Variants in LTF observed in about 807,000 individuals in gnomAD.
LTF encodes the protein epididymis luminal protein 110.
A neutral mutation model predicts 87.2 loss-of-function variants in LTF; 91 were observed. The ratio of observed to expected loss-of-function variants is 1.04; its 90% CI spans 0.88 to 1.24. LTF has a LOEUF of 1.24. Among genes scored for constraint, LTF ranks in the 50% most tolerant of loss-of-function variants. LTF has a pLI of 0.00. For missense variants in LTF, 901 were observed against 904.3 expected (o/e 1.00, Z 0.05); for synonymous variants, 378 against 356.1 (o/e 1.06, Z -0.69).
chr3:46,465,375 G>A (rs925601097), upstream of LTF, among the ~76,000 whole-genome samples: 7 of 152,262 alleles, frequency 4.6e-5, no homozygotes, highest in African/African-American at 1.4e-4. Context: ...AAGATGACCC[G>A]ACCACCCCCA....
At chr3:46,451,412 T>C (rs993782982) in intron 6 of LTF, among the ~76,000 whole-genome samples, 6 of 152,256 alleles carry the variant, frequency 3.9e-5, no homozygotes, top group South Asian at 2.1e-4. Context: ...TTTACCAGTG[T>C]ATTCCATTAA....
At chr3:46,465,098 G>T, upstream of LTF, 1 of 580,160 alleles carries the variant, frequency 1.7e-6, no homozygotes, top group Non-Finnish European at 3.0e-6. Context: ...CACCTCACCT[G>T]TCCTGGTTCT....
chr3:46,476,290 T>C (rs1358197610), intron 1 of LTF, among the ~76,000 whole-genome samples: 1 of 152,258 alleles, frequency 6.6e-6, no homozygotes, highest in Non-Finnish European at 1.5e-5. Context: ...TCCCCATTAA[T>C]ATGATATCTA....
chr3:46,467,644 CTTTT>C (rs5848801), upstream of LTF, among the ~76,000 whole-genome samples: 20 of 123,032 alleles, frequency 1.6e-4, no homozygotes, highest in East Asian at 2.3e-4. Context: ...CTTTTCTTTT[CTTTT>C]TTTTTTTTTT....
chr3:46,475,515 AACACACACAC>A (rs59984149), intron 1 of LTF, among the ~76,000 whole-genome samples: 12,432 of 130,996 alleles, frequency 0.095, 716 homozygotes, highest in Admixed American at 0.19. Context: ...TCTCCCCCTA[AACACACACAC>A]ACACACACAC....
At chr3:46,454,059 G>A (rs1702864716) in intron 6 of LTF, 1 of 527,666 alleles carries the variant, frequency 1.9e-6, no homozygotes, top group Non-Finnish European at 3.4e-6. Context: ...TTGGAGGACT[G>A]GAGGACGCAT....
Position 46,455,395 on chromosome 3 carries a change from C to T in LTF, c.547G>A (p.Gly183Arg). The change falls in exon 5 of 17, where the codon GGA becomes AGA. Residue 183 changes from glycine (G) to arginine (R), a missense_variant. Gly to Arg is a moderately radical substitution (Grantham distance 125). Transcript: ENST00000231751. ...AGGCGACACAGGTTGGGGAACTGTC[C>T]TTTATCTGCACCGGGAACACAGCTG... ...SASCVPGADK[G>R]QFPNLCRLCA... 6.2e-7 allele frequency: 1 copy of T among 1,614,238 alleles called. No homozygotes were observed. The highest frequency in any genetic ancestry group is 1.7e-5 in the Admixed American group (1 of 60,028).
At chr3:46,454,782 A>T (rs1407327673) in intron 5 of LTF, among the ~76,000 whole-genome samples, 2 of 151,914 alleles carry the variant, frequency 1.3e-5, no homozygotes, top group African/African-American at 4.8e-5. Context: ...GAAAAGGGGG[A>T]GCTCAGCCTC....
chr3:46,464,284 A>G (rs1373851784), intron 1 of LTF, among the ~76,000 whole-genome samples: 1 of 151,984 alleles, frequency 6.6e-6, no homozygotes, highest in Non-Finnish European at 1.5e-5. Flanking sequence ...CATCAGGAGC[A>G]CCGCACCCCT....
chr3:46,480,773 C>T (rs1170969327), intron 1 of LTF, among the ~76,000 whole-genome samples: 7 of 152,106 alleles, frequency 4.6e-5, no homozygotes, highest in Non-Finnish European at 1.0e-4. Flanking sequence ...CACAAAAGAA[C>T]GTATTGAGAC....
intron 14 of LTF, among the ~76,000 whole-genome samples, chr3:46,440,241 A>G (rs1662903810): frequency 6.6e-6 from 1 of 152,124 alleles, no homozygotes; most frequent in Non-Finnish European, 1.5e-5. Flanking sequence ...CCTATGCCAT[A>G]TTTTTCAGTG....
At chr3:46,464,987 T>A, upstream of LTF, 2 of 959,350 alleles carry the variant, frequency 2.1e-6, no homozygotes, top group Non-Finnish European at 3.2e-6. Context: ...CCCTCCCCAC[T>A]CCCCGCGGCC....
At chr3:46,480,882 G>T (rs1021532321) in intron 1 of LTF, among the ~76,000 whole-genome samples, 5 of 152,176 alleles carry the variant, frequency 3.3e-5, no homozygotes, top group Non-Finnish European at 5.9e-5. Context: ...CTGCCCCAGG[G>T]ACAGCCATGC....
intron 10 of LTF, 62 bp from the exon 11 acceptor site, chr3:46,446,555 C>T (rs775434449): frequency 4.3e-6 from 6 of 1,384,556 alleles, no homozygotes; most frequent in African/African-American, 1.4e-5. Flanking sequence ...AAGCCACAAA[C>T]TCTTAAATCT....
intron 3 of LTF, 96 bp downstream of exon 3, chr3:46,456,194 A>G: frequency 8.9e-7 from 1 of 1,128,570 alleles, no homozygotes; most frequent in Non-Finnish European, 1.3e-6. Flanking sequence ...GATGTGACCC[A>G]GACTCCACCT....
At chr3:46,460,062 T>C (rs1385633760) in intron 1 of LTF, among the ~76,000 whole-genome samples, 2 of 152,242 alleles carry the variant, frequency 1.3e-5, no homozygotes, top group African/African-American at 4.8e-5. Flanking sequence ...CTCTAGATTA[T>C]TTTCATTCCT....
intron 10 of LTF, 108 bp downstream of exon 10, chr3:46,447,200 T>A: frequency 1.3e-6 from 1 of 759,196 alleles, no homozygotes; most frequent in East Asian, 2.5e-5. Flanking sequence ...CCCTTTTGAA[T>A]GTATCTGTTC....
At chr3:46,451,435 T>A (rs1319545382) in intron 6 of LTF, among the ~76,000 whole-genome samples, 1 of 152,210 alleles carries the variant, frequency 6.6e-6, no homozygotes, top group Non-Finnish European at 1.5e-5. Flanking sequence ...AAAGAATGGC[T>A]GAACATCAAA....
Position 46,454,320 on chromosome 3 carries a change from C to G in LTF, c.688G>C (p.Glu230Gln), listed in dbSNP as rs1287664145. The change falls in exon 6 of 17, where the codon GAG (glutamate) becomes CAG (glutamine). Residue 230 changes from glutamate (E) to glutamine (Q), a missense_variant. Coordinates refer to ENST00000231751, the MANE Select transcript of LTF (RefSeq NM_002343.6). ...DGAGDVAFIR[E>Q]STVFEDLSDE... Reference sequence around the variant, plus strand: ...CTGCTCTTACCAAACACTGTGCTCTCTCTGATAAAAGCCACGTCTCCAGCC... The same window carrying G: ...CTGCTCTTACCAAACACTGTGCTCTGTCTGATAAAAGCCACGTCTCCAGCC... 1.2e-6 allele frequency: 2 copies of G among 1,614,026 alleles called. No homozygotes were observed. The highest frequency in any genetic ancestry group is 8.5e-7 in the Non-Finnish European group (1 of 1,180,014).
Sources: gnomAD v4.1 joint callset for allele counts (sites outside exome capture counted in the v4.1 genomes callset) on GRCh38, gnomAD v4.1.1 for gene constraint, MANE v1.5 for transcripts, NCBI Gene and HGNC (gene_info 2026-07-23, HGNC 2026-07-21) for gene names.